Variants in GTF2F2 observed in about 807,000 individuals in gnomAD.
GTF2F2 encodes general transcription factor IIF subunit 2, also known as ATP-dependent helicase GTF2F2.
A neutral mutation model predicts 42.2 loss-of-function variants in GTF2F2; 23 were observed. That is an observed-to-expected ratio of 0.55 (90% CI 0.39 to 0.77). The LOEUF (loss-of-function observed/expected upper bound fraction) is 0.77. Ranked by LOEUF, GTF2F2 falls within the 30% of genes least tolerant of loss-of-function variation. The pLI is 0.00. For missense variants in GTF2F2, 261 were observed against 287.2 expected, an observed-to-expected ratio of 0.91 and a Z score of 0.66; for synonymous variants, 105 against 100.8, an observed-to-expected ratio of 1.04 and a Z score of -0.25.
chr13:45,223,193 G>C (rs1874187208), intron 5 of GTF2F2, among the ~76,000 whole-genome samples: 1 of 149,930 alleles, frequency 6.7e-6, no homozygotes, highest in African/African-American at 2.5e-5. Flanking sequence ...GGAGGTGCAG[G>C]AGGTTGCAGT....
At chr13:45,125,520 G>C (rs1054528095) in intron 1 of GTF2F2, among the ~76,000 whole-genome samples, 6 of 151,972 alleles carry the variant, frequency 3.9e-5, no homozygotes, top group African/African-American at 1.5e-4. Context: ...GGGTTTCACT[G>C]TGTTGGCCAG....
intron 4 of GTF2F2, among the ~76,000 whole-genome samples, chr13:45,168,902 TC>T (rs1871447677): frequency 2.3e-3 from 1 of 436 alleles, no homozygotes; most frequent in African/African-American, 0.013. Context: ...CCTCCCTCCC[TC>T]CCTCCTCCTT....
intron 4 of GTF2F2, among the ~76,000 whole-genome samples, chr13:45,184,159 C>G (rs555413684): frequency 6.6e-6 from 1 of 152,192 alleles, no homozygotes; most frequent in African/African-American, 2.4e-5. Context: ...TTGGCTCATT[C>G]ACATACTTTC....
intron 1 of GTF2F2, among the ~76,000 whole-genome samples, chr13:45,127,492 A>T (rs1428434857): frequency 7.3e-6 from 1 of 137,466 alleles, no homozygotes; most frequent in Non-Finnish European, 1.6e-5. Flanking sequence ...CGCCCAACTA[A>T]TTTTTTTTTT....
At chr13:45,205,740 G>A (rs754125791) in intron 4 of GTF2F2, among the ~76,000 whole-genome samples, 3 of 152,024 alleles carry the variant, frequency 2.0e-5, no homozygotes, top group South Asian at 2.1e-4. Flanking sequence ...GCATGGTCTC[G>A]ATCTCCTGAC....
chr13:45,207,595 A>G (rs1873471293), intron 5 of GTF2F2, 90 bp downstream of exon 5: 1 of 782,838 alleles, frequency 1.3e-6, no homozygotes, highest in Admixed American at 2.1e-5. Flanking sequence ...CTGCATTAAA[A>G]CTGTGGTTAT....
intron 5 of GTF2F2, among the ~76,000 whole-genome samples, chr13:45,215,239 T>C (rs1873840615): frequency 6.6e-6 from 1 of 152,218 alleles, no homozygotes; most frequent in South Asian, 2.1e-4. Flanking sequence ...GAAACATTGC[T>C]GTTCCAAGAA....
intron 4 of GTF2F2, among the ~76,000 whole-genome samples, chr13:45,154,960 T>C (rs1268301332): frequency 6.6e-6 from 1 of 151,960 alleles, no homozygotes; most frequent in Non-Finnish European, 1.5e-5. Flanking sequence ...CTCTGAGGAG[T>C]CTTATGTATT....
At chr13:45,136,130 T>C (rs1045031534) in intron 1 of GTF2F2, among the ~76,000 whole-genome samples, 3 of 152,370 alleles carry the variant, frequency 2.0e-5, no homozygotes, top group Middle Eastern at 3.4e-3. Context: ...GTATAGTCCC[T>C]GAGTGCCTCA....
At chr13:45,245,287 C>A (rs1002645222) in intron 5 of GTF2F2, among the ~76,000 whole-genome samples, 6 of 151,430 alleles carry the variant, frequency 4.0e-5, no homozygotes, top group African/African-American at 9.7e-5. Flanking sequence ...CCCAGTTATT[C>A]TTTAAAATTT....
intron 4 of GTF2F2, among the ~76,000 whole-genome samples, chr13:45,174,684 C>T (rs1330888228): frequency 1.5e-5 from 2 of 133,776 alleles, no homozygotes; most frequent in African/African-American, 2.9e-5. Context: ...ACTTACAGGT[C>T]CTGGATACAT....
intron 4 of GTF2F2, among the ~76,000 whole-genome samples, chr13:45,181,158 C>A (rs990748093): frequency 4.1e-4 from 61 of 147,090 alleles, no homozygotes; most frequent in African/African-American, 1.5e-3. Context: ...CAGAGTGAGA[C>A]CCTGTCTCAA....
intron 7 of GTF2F2, among the ~76,000 whole-genome samples, chr13:45,274,176 A>T (rs932454721): frequency 3.9e-5 from 6 of 152,140 alleles, no homozygotes; most frequent in Admixed American, 3.9e-4. Flanking sequence ...ATACATTAAC[A>T]TGCAGAGCCA....
chr13:45,121,588 A>G (rs1868635368), intron 1 of GTF2F2, among the ~76,000 whole-genome samples: 1 of 152,214 alleles, frequency 6.6e-6, no homozygotes, highest in Admixed American at 6.5e-5. Flanking sequence ...GATGTGTATT[A>G]CATTCTTCAA....
rs59103762 is a variant in GTF2F2 at position 45,252,860 on chromosome 13, T to TA, written c.387-11_387-10insA. 5.1e-4 allele frequency: 587 copies of TA among 1,157,600 alleles called. No individual in the cohort carries two copies. Among genetic ancestry groups the TA allele is most frequent in the Non-Finnish European group, 5.2e-4 (443 of 845,846 alleles). 71.7% of individuals were successfully genotyped at this position (1,157,600 alleles called of 1,614,324 possible). A position where few individuals can be genotyped will look rare whatever the true frequency, so the allele number is the denominator to read the frequency against. ...ACAAGAGTGTTAATAATGCCTTATA[T>TA]TTTTTTTCAGATTGCAAATAGAAGA... On this transcript the variant is annotated splice_polypyrimidine_tract_variant and intron_variant, in intron 5 of 7. Coordinates refer to ENST00000340473, the MANE Select transcript of GTF2F2 (RefSeq NM_004128.3).
intron 2 of GTF2F2, among the ~76,000 whole-genome samples, chr13:45,144,004 C>T (rs544822832): frequency 6.6e-6 from 1 of 152,260 alleles, no homozygotes; most frequent in African/African-American, 2.4e-5. Flanking sequence ...GTAATCCTAA[C>T]ACTTTGGGAG....
intron 4 of GTF2F2, among the ~76,000 whole-genome samples, chr13:45,174,644 T>TTC (rs1450090170): frequency 6.7e-6 from 1 of 149,650 alleles, no homozygotes; most frequent in Non-Finnish European, 1.5e-5. Flanking sequence ...CTTTTTTTTT[T>TTC]TTTTTTTTTT....
At chr13:45,226,097 T>G (rs961309646) in intron 5 of GTF2F2, among the ~76,000 whole-genome samples, 1 of 151,018 alleles carries the variant, frequency 6.6e-6, no homozygotes, top group African/African-American at 2.4e-5. Flanking sequence ...TATCTTGAAG[T>G]ATGCACCAGA....
At position 45,196,542 on chromosome 13, in the gene GTF2F2, C is replaced by A. The variant is rs531614694; in HGVS notation, c.305-10882C>A. On this transcript the variant is annotated intron_variant, in intron 4 of 7. Coordinates refer to ENST00000340473, the MANE Select transcript of GTF2F2 (RefSeq NM_004128.3). ...GTGTTACCATTACAAATAGTCACTG[C>A]ACATGAGTAGCATCATATAATAGCA... is the stretch of plus-strand genomic sequence containing the variant. 3.9e-5 allele frequency among the ~76,000 whole-genome samples: 6 copies of A among 152,278 alleles called. No individual in the cohort carries two copies. In the South Asian group the frequency reaches 1.2e-3, roughly 32 times the overall value.
Sources: allele counts gnomAD v4.1 joint callset (sites outside exome capture counted in the v4.1 genomes callset), GRCh38; gene constraint gnomAD v4.1.1; transcripts MANE v1.5; gene names NCBI Gene and HGNC (gene_info 2026-07-23, HGNC 2026-07-21).